The following KCNB2 variants were observed in gnomAD, a reference collection of about 807,000 sequenced individuals.
KCNB2 encodes the protein potassium voltage-gated channel subfamily B member 2, also known as delayed rectifier potassium channel protein.
In KCNB2, 15 loss-of-function variants were observed where a neutral mutation model predicts 61.5. That is an observed-to-expected ratio of 0.24 (90% CI 0.16 to 0.38). KCNB2 has a LOEUF of 0.38. Ranked by LOEUF, KCNB2 falls within the 10% of genes least tolerant of loss-of-function variation. KCNB2 has a pLI of 1.00. For missense variants in KCNB2, 828 were observed against 1,125.2 expected, an observed-to-expected ratio of 0.74 and a Z score of 3.78; for synonymous variants, 457 against 446.0, an observed-to-expected ratio of 1.02 and a Z score of -0.31.
At chr8:72,701,841 ACATAT>A (rs1359086622) in intron 2 of KCNB2, among the ~76,000 whole-genome samples, 1 of 152,168 alleles carries the variant, frequency 6.6e-6, no homozygotes, top group African/African-American at 2.4e-5. Context: ...AATTATATGG[ACATAT>A]CATTATTTAT....
At chr8:72,932,468 A>G (rs182149360) in intron 2 of KCNB2, among the ~76,000 whole-genome samples, 1 of 152,096 alleles carries the variant, frequency 6.6e-6, no homozygotes, top group African/African-American at 2.4e-5. Flanking sequence ...GTTCCTTCAG[A>G]CCCCCAGAAA....
chr8:72,853,935 C>A (rs553342098), intron 2 of KCNB2, among the ~76,000 whole-genome samples: 3 of 152,310 alleles, frequency 2.0e-5, no homozygotes, highest in African/African-American at 7.2e-5. Context: ...CCGCAATATT[C>A]AGCTTTCTTA....
intron 2 of KCNB2, among the ~76,000 whole-genome samples, chr8:72,648,925 C>T (rs765275659): frequency 6.6e-6 from 1 of 151,928 alleles, no homozygotes; most frequent in East Asian, 1.9e-4. Flanking sequence ...ATTATGTTTG[C>T]TACTGAATTA....
At chr8:72,753,100 G>A (rs1465018306) in intron 2 of KCNB2, among the ~76,000 whole-genome samples, 2 of 152,192 alleles carry the variant, frequency 1.3e-5, no homozygotes, top group Admixed American at 6.5e-5. Flanking sequence ...TAAGACTGCT[G>A]TATTTTCTTC....
At chr8:72,667,051 A>G (rs1806487341) in intron 2 of KCNB2, among the ~76,000 whole-genome samples, 1 of 151,472 alleles carries the variant, frequency 6.6e-6, no homozygotes, top group Admixed American at 6.6e-5. Flanking sequence ...GCAGAGAGAG[A>G]TAGAGAGAAA....
At chr8:72,639,200 C>G (rs891609103) in intron 2 of KCNB2, among the ~76,000 whole-genome samples, 1 of 152,110 alleles carries the variant, frequency 6.6e-6, no homozygotes, top group Non-Finnish European at 1.5e-5. Context: ...ACATCTTCCC[C>G]AGCTTGATCT....
intron 2 of KCNB2, among the ~76,000 whole-genome samples, chr8:72,593,598 G>T (rs185370634): frequency 2.0e-5 from 3 of 152,332 alleles, no homozygotes; most frequent in Non-Finnish European, 4.4e-5. Context: ...GTGAGATCCA[G>T]ACTGGGCTCT....
chr8:72,715,110 A>G (rs1585847819), intron 2 of KCNB2, among the ~76,000 whole-genome samples: 1 of 152,320 alleles, frequency 6.6e-6, no homozygotes, highest in African/African-American at 2.4e-5. Context: ...AGAAGAACTA[A>G]CTATCCTAAA....
chr8:72,860,199 AGGTAGAATT>A (rs1810277250), intron 2 of KCNB2, among the ~76,000 whole-genome samples: 1 of 152,180 alleles, frequency 6.6e-6, no homozygotes, highest in Admixed American at 6.5e-5. Context: ...TCAGTATACG[AGGTAGAATT>A]GTTAGGTCAT....
chr8:72,837,884 A>C (rs1391243320), intron 2 of KCNB2, among the ~76,000 whole-genome samples: 3 of 152,204 alleles, frequency 2.0e-5, no homozygotes, highest in Non-Finnish European at 4.4e-5. Flanking sequence ...AAGTCTATGA[A>C]ATATGTTAGC....
chr8:72,611,734 T>G (rs539666709), intron 2 of KCNB2, among the ~76,000 whole-genome samples: 2 of 152,248 alleles, frequency 1.3e-5, no homozygotes, highest in Non-Finnish European at 2.9e-5. Flanking sequence ...AATTGCAACT[T>G]TTTGCCTTAT....
At chr8:72,907,230 G>A (rs1013443252) in intron 2 of KCNB2, among the ~76,000 whole-genome samples, 5 of 151,986 alleles carry the variant, frequency 3.3e-5, no homozygotes, top group East Asian at 1.9e-4. Flanking sequence ...GGTGGCACAC[G>A]CCTGTAGTTC....
At chr8:72,646,680 A>T (rs961442775) in intron 2 of KCNB2, among the ~76,000 whole-genome samples, 2 of 152,170 alleles carry the variant, frequency 1.3e-5, no homozygotes, top group Non-Finnish European at 2.9e-5. Flanking sequence ...TTGAGAAGGC[A>T]AATTCATAGA....
At chr8:72,681,634 A>C (rs952001168) in intron 2 of KCNB2, among the ~76,000 whole-genome samples, 7 of 152,258 alleles carry the variant, frequency 4.6e-5, no homozygotes, top group African/African-American at 1.4e-4. Context: ...ATAGTATAAC[A>C]AATACATAAA....
chr8:72,783,514 T>C (rs1431130743), intron 2 of KCNB2, among the ~76,000 whole-genome samples: 5 of 152,172 alleles, frequency 3.3e-5, no homozygotes, highest in African/African-American at 1.2e-4. Context: ...CCTGAGTCTT[T>C]GGATGCTCAG....
chr8:72,739,801 T>A (rs1477273545), intron 2 of KCNB2, among the ~76,000 whole-genome samples: 3 of 152,164 alleles, frequency 2.0e-5, no homozygotes, highest in Non-Finnish European at 2.9e-5. Context: ...ATCAGTTCTA[T>A]CAGTAGTACC....
intron 2 of KCNB2, among the ~76,000 whole-genome samples, chr8:72,717,727 C>T (rs1352122611): frequency 6.6e-6 from 1 of 152,062 alleles, no homozygotes; most frequent in Non-Finnish European, 1.5e-5. Context: ...AAAACCTAGG[C>T]AATACCATTC....
chr8:72,848,281 C>G (rs1810034368), intron 2 of KCNB2, among the ~76,000 whole-genome samples: 1 of 152,192 alleles, frequency 6.6e-6, no homozygotes, highest in African/African-American at 2.4e-5. Context: ...CCAACCACCC[C>G]AGCCTTTAGT....
chr8:72,928,474 G>A (rs1010764657), intron 2 of KCNB2, among the ~76,000 whole-genome samples: 5 of 152,112 alleles, frequency 3.3e-5, no homozygotes, highest in Admixed American at 2.0e-4. Context: ...GGGGTTACAG[G>A]CATGAGCCAC....
Sources: allele counts gnomAD v4.1 joint callset (sites outside exome capture counted in the v4.1 genomes callset), GRCh38; gene constraint gnomAD v4.1.1; transcripts MANE v1.5; gene names NCBI Gene and HGNC (gene_info 2026-07-23, HGNC 2026-07-21).